The following PLCH1 variants were observed in gnomAD, a reference collection of about 807,000 sequenced individuals.
The protein encoded by PLCH1 is 1-phosphatidylinositol 4,5-bisphosphate phosphodiesterase eta-1.
A neutral mutation model predicts 126.7 loss-of-function variants in PLCH1; 60 were observed. The observed-to-expected ratio is 0.47, with a 90% CI of 0.38 to 0.59. The LOEUF is 0.59. Among genes scored for constraint, PLCH1 ranks in the 20% least tolerant of loss-of-function variants. The pLI is 0.00. For missense variants in PLCH1, 1,723 were observed against 2,040.0 expected (o/e 0.84, Z 2.99); for synonymous variants, 719 against 734.9 (o/e 0.98, Z 0.35).
At chr3:155,492,937 C>G in intron 17 of PLCH1, 84 bp from the exon 18 acceptor site, 1 of 1,121,410 alleles carries the variant, frequency 8.9e-7, no homozygotes, top group Non-Finnish European at 1.2e-6. Flanking sequence ...AAGAAACAAA[C>G]AAACAAAAAC....
Position 155,497,304 on chromosome 3 carries a change from A to T in PLCH1, c.1894+16T>A, listed in dbSNP as rs957494540. On this transcript the variant is annotated intron_variant, in intron 15 of 22. Coordinates refer to ENST00000460012, the MANE Select transcript of PLCH1 (RefSeq NM_014996.4). ...ATGTTTATTCAGAGCAGAATGAGAA[A>T]ACTCTCCATCCTTACCGTCATCCAC... 1.3e-6 allele frequency: 2 copies of T among 1,529,618 alleles called. No homozygotes were observed. The highest frequency in any genetic ancestry group is 1.8e-6 in the Non-Finnish European group (2 of 1,105,336). 94.8% of individuals were successfully genotyped at this position (1,529,618 alleles called of 1,614,324 possible). A position where few individuals can be genotyped will look rare whatever the true frequency, so the allele number is the denominator to read the frequency against.
chr3:155,639,554 G>C (rs1481552103), intron 2 of PLCH1, among the ~76,000 whole-genome samples: 1 of 152,178 alleles, frequency 6.6e-6, no homozygotes, highest in Non-Finnish European at 1.5e-5. Context: ...TGATGTTATA[G>C]TCATTGGAAA....
chr3:155,702,895 C>T (rs546820848), intron 2 of PLCH1, among the ~76,000 whole-genome samples: 68 of 152,258 alleles, frequency 4.5e-4, no homozygotes, highest in Non-Finnish European at 7.9e-4. Flanking sequence ...AGAAAAGCAA[C>T]GCAGAACCTC....
At chr3:155,567,989 TGGTACCA>T (rs748789247) in intron 7 of PLCH1, among the ~76,000 whole-genome samples, 5 of 152,182 alleles carry the variant, frequency 3.3e-5, no homozygotes, top group Admixed American at 6.5e-5. Context: ...TCACACGTGG[TGGTACCA>T]GGTAGACTTG....
rs758627253 is a variant in PLCH1 at position 155,488,766 on chromosome 3, T to C, written c.2433A>G (p.Val811=). ...GAACCAAAGCTATTTCTGGCATGTG[T>C]ACTGTAAATGTCAGTGTTTCTTCCC... The part of the protein sequence containing the change: ...PVWEETLTFT[V]HMPEIALVRF... Residue 811 remains valine, a synonymous_variant, in exon 20 of 23, where the codon GTA becomes GTG. Transcript: ENST00000460012. The C allele has an allele frequency of 1.9e-6, 3 of 1,613,648 alleles. No individual in the cohort carries two copies. The highest frequency in any genetic ancestry group is 2.5e-6 in the Non-Finnish European group (3 of 1,179,726).
chr3:155,545,057 TAG>T (rs1459747824), intron 10 of PLCH1, among the ~76,000 whole-genome samples: 10 of 149,260 alleles, frequency 6.7e-5, no homozygotes, highest in Non-Finnish European at 1.5e-4. Context: ...CTGAAGGAAA[TAG>T]AGACACAAAA....
At chr3:155,675,923 G>A (rs1285303095) in intron 2 of PLCH1, 7 of 779,676 alleles carry the variant, frequency 9.0e-6, no homozygotes, top group Non-Finnish European at 1.4e-5. Context: ...AACTAAACAT[G>A]AAATAAAATA....
intron 2 of PLCH1, 53 bp downstream of exon 2, chr3:155,704,093 C>A: frequency 1.3e-6 from 1 of 766,966 alleles, no homozygotes; most frequent in South Asian, 6.7e-5. Context: ...AATAAAAGTC[C>A]TGTCAGAAAC....
chr3:155,727,629 C>T (rs1050989290), intron 1 of PLCH1, among the ~76,000 whole-genome samples: 1 of 152,258 alleles, frequency 6.6e-6, no homozygotes, highest in Middle Eastern at 3.4e-3. Context: ...CTCAAGTGAT[C>T]CGCCCGTCTC....
In PLCH1 at chr3:155,482,503, T is replaced by C; in HGVS notation, c.3523A>G (p.Asn1175Asp). The part of the protein sequence containing the change: ...QESVISHLID[N>D]VTLTNENEPG... Reference sequence around the variant, plus strand: ...TCATTCTCATTTGTTAAAGTGACATTGTCAATAAGATGGGAAATTACACTC... The same window carrying C: ...TCATTCTCATTTGTTAAAGTGACATCGTCAATAAGATGGGAAATTACACTC... Residue 1175 changes from asparagine to aspartate, a missense_variant, in exon 23 of 23, where the codon AAT (asparagine) becomes GAT (aspartate). This residue lies in a region of PLCH1 where 947 missense variants were observed against 977.1 expected (regional missense o/e 0.97). Coordinates refer to ENST00000460012, the MANE Select transcript of PLCH1 (RefSeq NM_014996.4). The C allele has an allele frequency of 1.2e-6, 2 of 1,614,132 alleles. No individual in the cohort carries two copies. Among genetic ancestry groups the C allele is most frequent in the Non-Finnish European group, 1.7e-6 (2 of 1,180,004 alleles).
At chr3:155,453,109 G>A (rs1298149765) in intron 21 of PLCH1, among the ~76,000 whole-genome samples, 1 of 152,190 alleles carries the variant, frequency 6.6e-6, no homozygotes, top group Non-Finnish European at 1.5e-5. Flanking sequence ...AGTGGAAGCA[G>A]CATTACATCA....
chr3:155,637,701 G>T (rs1188356178), intron 2 of PLCH1, among the ~76,000 whole-genome samples: 1 of 152,062 alleles, frequency 6.6e-6, no homozygotes, highest in Non-Finnish European at 1.5e-5. Context: ...TGAAGATTAG[G>T]AAATGACCTT....
downstream of PLCH1, among the ~76,000 whole-genome samples, chr3:155,479,348 T>C (rs1363943189): frequency 6.6e-6 from 1 of 152,150 alleles, no homozygotes; most frequent in Non-Finnish European, 1.5e-5. Flanking sequence ...TACCCTTTCA[T>C]CATTACACAT....
At chr3:155,583,097 A>C (rs914539457) in intron 6 of PLCH1, among the ~76,000 whole-genome samples, 4 of 149,968 alleles carry the variant, frequency 2.7e-5, no homozygotes, top group Non-Finnish European at 5.9e-5. Context: ...AATTTGACTA[A>C]ATTTATACTA....
chr3:155,512,824 G>A (rs1216924452), intron 12 of PLCH1, among the ~76,000 whole-genome samples: 1 of 152,192 alleles, frequency 6.6e-6, no homozygotes, highest in Non-Finnish European at 1.5e-5. Flanking sequence ...GACATGACCA[G>A]ATGCACATTT....
At chr3:155,704,740 A>G (rs1746525889) in intron 1 of PLCH1, among the ~76,000 whole-genome samples, 1 of 152,206 alleles carries the variant, frequency 6.6e-6, no homozygotes, top group African/African-American at 2.4e-5. Context: ...AGCCAAGCAC[A>G]TTAATAAAAT....
At chr3:155,713,653 C>T (rs1747306430) in intron 1 of PLCH1, among the ~76,000 whole-genome samples, 1 of 152,144 alleles carries the variant, frequency 6.6e-6, no homozygotes, top group African/African-American at 2.4e-5. Context: ...TATCAAGGGA[C>T]AATGGACAAA....
At chr3:155,547,476 G>A (rs1485615809) in intron 10 of PLCH1, among the ~76,000 whole-genome samples, 1 of 141,582 alleles carries the variant, frequency 7.1e-6, no homozygotes, top group Admixed American at 7.1e-5. Context: ...GTGGAAGTCA[G>A]TGTGGCGATT....
intron 9 of PLCH1, among the ~76,000 whole-genome samples, chr3:155,552,570 G>A (rs550595947): frequency 1.6e-4 from 25 of 152,262 alleles, no homozygotes; most frequent in African/African-American, 5.5e-4. Context: ...GCATACGTAA[G>A]AGTGGGGAGT....
Sources: gnomAD v4.1 joint callset for allele counts (sites outside exome capture counted in the v4.1 genomes callset) on GRCh38, gnomAD v4.1.1 for gene constraint, gnomAD v4.1.1 regional missense constraint, MANE v1.5 for transcripts, NCBI Gene and HGNC (gene_info 2026-07-23, HGNC 2026-07-21) for gene names.